The following TAC3 variants were observed in gnomAD, a reference collection of about 807,000 sequenced individuals.
TAC3 encodes the protein tachykinin precursor 3.
A neutral mutation model predicts 16.5 loss-of-function variants in TAC3; 9 were observed. The ratio of observed to expected loss-of-function variants is 0.55; its 90% CI spans 0.33 to 0.95. The LOEUF is 0.95. TAC3 is among the 40% of genes least tolerant of loss of function. The probability of loss-of-function intolerance (pLI) is 0.03; values close to 1 mark genes in which losing one functional copy is unlikely to be tolerated. For missense variants in TAC3, 129 were observed against 149.1 expected, an observed-to-expected ratio of 0.87 and a Z score of 0.70; for synonymous variants, 52 against 56.7, an observed-to-expected ratio of 0.92 and a Z score of 0.37.
chr12:57,012,208 G>A (rs1237021236), intron 6 of TAC3, 170 bp downstream of exon 6: 1 of 645,366 alleles, frequency 1.5e-6, no homozygotes, highest in South Asian at 1.7e-5. Context: ...ACAAACACAC[G>A]TGCCTCTAAG....
intron 6 of TAC3, among the ~76,000 whole-genome samples, chr12:57,011,467 C>T (rs1956297263): frequency 6.6e-6 from 1 of 152,134 alleles, no homozygotes. Flanking sequence ...GCGGAAGGTT[C>T]GTGTTTTGAC....
At chr12:57,015,934 C>G (rs756742544) in intron 1 of TAC3, 132 bp from the exon 2 acceptor site, 4 of 751,336 alleles carry the variant, frequency 5.3e-6, no homozygotes, top group Non-Finnish European at 9.3e-6. Context: ...CTCCACTGTC[C>G]AAGCCCTGGT....
chr12:57,015,584 C>T (rs1173812702), intron 2 of TAC3, 100 bp downstream of exon 2: 24 of 1,054,110 alleles, frequency 2.3e-5, no homozygotes, highest in Admixed American at 6.9e-5. Context: ...TGCCCTCTGA[C>T]GGACAACCCC....
rs2136415798 is a variant in TAC3 at position 57,010,896 on chromosome 12, T to C, written c.*2-608A>G. 2.6e-5 allele frequency: 4 copies of C among 152,364 alleles called. No homozygotes were observed. The Middle Eastern group carries it at 0.014, about 518-fold the overall frequency. 9.4% of individuals were successfully genotyped at this position (152,364 alleles called of 1,614,324 possible). On this transcript the variant is annotated intron_variant, in intron 6 of 6. Transcript: ENST00000458521. Reference sequence around the variant, plus strand: ...TGAAAGCTGCAATTATGGGTCCCTCTGAAAGAGCCTGGATGCACAAACAAG... The same window carrying C: ...TGAAAGCTGCAATTATGGGTCCCTCCGAAAGAGCCTGGATGCACAAACAAG...
chr12:57,011,573 A>C (rs1405375253), intron 6 of TAC3, among the ~76,000 whole-genome samples: 3 of 152,210 alleles, frequency 2.0e-5, no homozygotes, highest in Non-Finnish European at 4.4e-5. Flanking sequence ...AGTCAGGGGA[A>C]ACATTAGGAC....
chr12:57,015,414 C>T (rs1956358347), intron 2 of TAC3, among the ~76,000 whole-genome samples: 1 of 152,092 alleles, frequency 6.6e-6, no homozygotes, highest in African/African-American at 2.4e-5. Flanking sequence ...ATCCAATCAC[C>T]AAGTCTCCCA....
In TAC3 at chr12:57,010,286, G is replaced by A. The variant is rs1405885216; in HGVS notation, c.*4C>T. The A allele has an allele frequency of 1.2e-5, 5 of 425,892 alleles. No individual in the cohort carries two copies. Among genetic ancestry groups the A allele is most frequent in the South Asian group, 3.4e-5 (2 of 59,458 alleles). 26.4% of individuals were successfully genotyped at this position (425,892 alleles called of 1,614,324 possible). A position where few individuals can be genotyped will look rare whatever the true frequency, so the allele number is the denominator to read the frequency against. ...TGCAGTCCAGGAGTCCGGAAGTGGA[G>A]TACTGAGGACAAAAAACAAAACAAA... is the stretch of plus-strand genomic sequence containing the variant. On this transcript the variant is annotated splice_region_variant and 3_prime_UTR_variant, in exon 7 of 7. Coordinates refer to ENST00000458521, the MANE Select transcript of TAC3 (RefSeq NM_013251.4).
chr12:57,013,387 A>C lies in TAC3; in HGVS notation c.210T>G (p.Asp70Glu). ...LLKALSQAST[D>E]PKESTSPEKR... is the part of the protein sequence containing the mutation. ...TCTCGGGAGATGTTGATTCCTTAGG[A>C]TCTGTGAAACCAAGAACAGATGTCT... The change falls in exon 4 of 7, where the codon GAT becomes GAG. Residue 70 changes from aspartate (D) to glutamate (E), a missense_variant and splice_region_variant. Transcript: ENST00000458521. 6.2e-7 allele frequency: 1 copy of C among 1,614,056 alleles called. No homozygotes were observed. Among genetic ancestry groups the C allele is most frequent in the African/African-American group, 1.3e-5 (1 of 75,016 alleles).
At chr12:57,015,327 A>G (rs1391913822) in intron 2 of TAC3, among the ~76,000 whole-genome samples, 1 of 152,194 alleles carries the variant, frequency 6.6e-6, no homozygotes, top group East Asian at 1.9e-4. Flanking sequence ...GAAATAGAAG[A>G]GATCTGTCCC....
chr12:57,013,089 G>T lies in TAC3; in HGVS notation c.239-214C>A, dbSNP rs932147805. On this transcript the variant is annotated intron_variant, in intron 4 of 6. Coordinates refer to ENST00000458521, the MANE Select transcript of TAC3 (RefSeq NM_013251.4). ...TTTCAAGAATTTTCTGCTCTAGCAG[G>T]TGCCTGATTTGGAATTTTCAGGGCC... 26 of 761,628 alleles carry T rather than the reference G, an allele frequency of 3.4e-5. No homozygotes were observed. The South Asian group carries it at 4.2e-4, about 12-fold the overall frequency. The allele number at this position is 761,628 out of a possible 1,614,324, so 47.2% of individuals were successfully genotyped here.
intron 4 of TAC3, chr12:57,013,151 C>T: frequency 1.4e-6 from 1 of 736,172 alleles, no homozygotes. Context: ...GACCAGCCAG[C>T]AGAGGGAGAG....
chr12:57,014,861 G>A (rs1247569591), intron 2 of TAC3, among the ~76,000 whole-genome samples: 1 of 152,176 alleles, frequency 6.6e-6, no homozygotes, highest in Non-Finnish European at 1.5e-5. Context: ...ATAATGAGAT[G>A]CTGAACAGAT....
At chr12:57,012,545 T>C in intron 5 of TAC3, 93 bp from the exon 6 acceptor site, 3 of 1,602,830 alleles carry the variant, frequency 1.9e-6, no homozygotes, top group Non-Finnish European at 2.6e-6. Context: ...TGACGGGCAG[T>C]GTTCAAAGAC....
In TAC3 at chr12:57,010,057, G is replaced by A. The variant is rs1565632184; in HGVS notation, c.*233C>T. On this transcript the variant is annotated 3_prime_UTR_variant, in exon 7 of 7. Transcript: ENST00000458521. ...TAGAGAGAGACATTATATTTTTAAT[G>A]TAGGACACTACAGGAACTCTAGGGT... 4.4e-6 allele frequency: 2 copies of A among 450,878 alleles called. No homozygotes were observed. Among genetic ancestry groups the A allele is most frequent in the Non-Finnish European group, 4.5e-6 (1 of 224,386 alleles). 27.9% of individuals were successfully genotyped at this position (450,878 alleles called of 1,614,324 possible). A position where few individuals can be genotyped will look rare whatever the true frequency, so the allele number is the denominator to read the frequency against.
intron 6 of TAC3, among the ~76,000 whole-genome samples, chr12:57,011,114 A>G (rs1956291636): frequency 6.6e-6 from 1 of 152,194 alleles, no homozygotes. Flanking sequence ...GCAAAATGAT[A>G]CAGTAACTAC....
intron 6 of TAC3, among the ~76,000 whole-genome samples, chr12:57,011,190 G>A (rs942575083): frequency 6.6e-6 from 1 of 152,134 alleles, no homozygotes; most frequent in African/African-American, 2.4e-5. Flanking sequence ...TAAATGGGGG[G>A]CCAGACTCAG....
chr12:57,012,214 CTAAG>C, intron 6 of TAC3, 160 bp downstream of exon 6: 1 of 669,306 alleles, frequency 1.5e-6, no homozygotes, highest in East Asian at 2.8e-5. Flanking sequence ...ACACGTGCCT[CTAAG>C]TGTCTTTGTG....
intron 2 of TAC3, 21 bp from the exon 3 acceptor site, chr12:57,013,692 G>A: frequency 6.3e-7 from 1 of 1,597,138 alleles, no homozygotes. Flanking sequence ...AACAAAGAGG[G>A]GTGAGGCAGG....
chr12:57,010,040 G>A lies in TAC3; in HGVS notation c.*250C>T, dbSNP rs1255230788. 1 of 443,864 alleles carries A rather than the reference G, an allele frequency of 2.3e-6. No homozygotes were observed. The highest frequency in any genetic ancestry group is 4.6e-6 in the Non-Finnish European group (1 of 219,512). 27.5% of individuals were successfully genotyped at this position (443,864 alleles called of 1,614,324 possible). ...CCTTTATTGTTGAGGAATAGAGAGAGACATTATATTTTTAATGTAGGACAC... is the reference window on the plus strand; with the variant it reads ...CCTTTATTGTTGAGGAATAGAGAGAAACATTATATTTTTAATGTAGGACAC... On this transcript the variant is annotated 3_prime_UTR_variant, in exon 7 of 7. Transcript: ENST00000458521.
Sources: gnomAD v4.1 joint callset for allele counts (sites outside exome capture counted in the v4.1 genomes callset) on GRCh38, gnomAD v4.1.1 for gene constraint, MANE v1.5 for transcripts, NCBI Gene and HGNC (gene_info 2026-07-23, HGNC 2026-07-21) for gene names.